The following EDIL3 variants were observed in gnomAD, a reference collection of about 807,000 sequenced individuals.
The protein encoded by EDIL3 is EGF like and discoidin domains 3.
EDIL3 carries 37 observed loss-of-function variants against 67.4 expected under a neutral mutation model. The ratio of observed to expected loss-of-function variants is 0.55; its 90% CI spans 0.42 to 0.72. The LOEUF is 0.72. EDIL3 is among the 30% of genes least tolerant of loss of function. The pLI is 0.00. For missense variants in EDIL3, 527 were observed against 586.3 expected (o/e 0.90, Z 1.04); for synonymous variants, 195 against 196.3 (o/e 0.99, Z 0.05).
At chr5:83,946,952 G>A (rs1350489944) in intron 10 of EDIL3, among the ~76,000 whole-genome samples, 1 of 151,798 alleles carries the variant, frequency 6.6e-6, no homozygotes, top group Non-Finnish European at 1.5e-5. Flanking sequence ...TTTTGGAATT[G>A]CTGTTCACAT....
intron 5 of EDIL3, among the ~76,000 whole-genome samples, chr5:84,114,710 A>T (rs185813395): frequency 6.6e-6 from 1 of 152,366 alleles, no homozygotes; most frequent in East Asian, 1.9e-4. Flanking sequence ...TACCTTAAAG[A>T]AAAGGCTGTT....
chr5:84,243,062 G>T (rs1249104379), intron 2 of EDIL3, among the ~76,000 whole-genome samples: 1 of 82,454 alleles, frequency 1.2e-5, no homozygotes, highest in Non-Finnish European at 2.4e-5. Flanking sequence ...TTTATTTTCA[G>T]GTTATTTTAT....
intron 5 of EDIL3, among the ~76,000 whole-genome samples, chr5:84,111,754 T>C (rs1747568972): frequency 6.6e-6 from 1 of 152,180 alleles, no homozygotes. Flanking sequence ...CATCTCTGAA[T>C]GGGAAGAAGG....
At chr5:84,184,804 A>T (rs535704663) in intron 3 of EDIL3, among the ~76,000 whole-genome samples, 1 of 152,180 alleles carries the variant, frequency 6.6e-6, no homozygotes, top group Non-Finnish European at 1.5e-5. Context: ...TTTCTAGATG[A>T]TGTGAATTGG....
chr5:84,325,696 A>G (rs1746742685), intron 1 of EDIL3, among the ~76,000 whole-genome samples: 1 of 152,120 alleles, frequency 6.6e-6, no homozygotes, highest in Non-Finnish European at 1.5e-5. Flanking sequence ...TCATGTTCAT[A>G]GCAGCATTAT....
At chr5:84,168,625 G>A (rs1180850179) in intron 4 of EDIL3, among the ~76,000 whole-genome samples, 1 of 152,140 alleles carries the variant, frequency 6.6e-6, no homozygotes. Context: ...TAATGCTACT[G>A]AAATTAACAA....
chr5:84,278,335 C>T (rs1745628931), intron 1 of EDIL3, among the ~76,000 whole-genome samples: 2 of 152,148 alleles, frequency 1.3e-5, no homozygotes, highest in South Asian at 4.1e-4. Context: ...TGAACTTGAA[C>T]ATACATAGAG....
At chr5:84,269,384 C>T (rs1745418722) in intron 1 of EDIL3, among the ~76,000 whole-genome samples, 1 of 151,474 alleles carries the variant, frequency 6.6e-6, no homozygotes, top group African/African-American at 2.4e-5. Flanking sequence ...TTTACTTGTA[C>T]AGGAAATATA....
At chr5:84,229,726 T>C (rs1744528248) in intron 3 of EDIL3, 129 bp downstream of exon 3, 1 of 921,514 alleles carries the variant, frequency 1.1e-6, no homozygotes, top group Non-Finnish European at 1.6e-6. Flanking sequence ...AATATAAAAG[T>C]AAATAAATAA....
intron 10 of EDIL3, among the ~76,000 whole-genome samples, chr5:83,960,685 A>G (rs989098469): frequency 2.0e-5 from 3 of 151,072 alleles, no homozygotes; most frequent in Admixed American, 6.6e-5. Flanking sequence ...TAAAATATGT[A>G]TCACAAATCC....
At chr5:84,028,655 T>G (rs553044415) in intron 9 of EDIL3, among the ~76,000 whole-genome samples, 4 of 152,134 alleles carry the variant, frequency 2.6e-5, no homozygotes, top group East Asian at 1.9e-4. Flanking sequence ...CAAAGTTTTC[T>G]GATAATCTAA....
At chr5:84,207,601 C>T (rs1394998103) in intron 3 of EDIL3, among the ~76,000 whole-genome samples, 1 of 150,874 alleles carries the variant, frequency 6.6e-6, no homozygotes, top group Admixed American at 6.6e-5. Context: ...CAATCCTAAG[C>T]CAAAAGAACA....
At chr5:83,967,894 CTT>C (rs748561768) in intron 9 of EDIL3, among the ~76,000 whole-genome samples, 6 of 152,096 alleles carry the variant, frequency 3.9e-5, no homozygotes, top group African/African-American at 9.7e-5. Context: ...CTAAAATGCT[CTT>C]GTTTGTGCCT....
rs73143993 is a variant in EDIL3 at position 83,999,085 on chromosome 5, C to T, written c.1138-35725G>A. ...CACAGGGTTACTAGGCTTGAGATGCCCCCTAATGCACATGTGGCTGCAATG... is the reference window on the plus strand; with the variant it reads ...CACAGGGTTACTAGGCTTGAGATGCTCCCTAATGCACATGTGGCTGCAATG... On this transcript the variant is annotated intron_variant, in intron 9 of 10. Coordinates refer to ENST00000296591, the MANE Select transcript of EDIL3 (RefSeq NM_005711.5). Among the ~76,000 whole-genome samples, 316 of 152,140 alleles carry T rather than the reference C, an allele frequency of 2.1e-3. 2 individuals are homozygous for T. The highest frequency in any genetic ancestry group is 7.4e-3 in the African/African-American group (308 of 41,512).
chr5:84,138,628 A>C (rs929624290), intron 4 of EDIL3, among the ~76,000 whole-genome samples: 18 of 152,222 alleles, frequency 1.2e-4, no homozygotes, highest in African/African-American at 4.1e-4. Flanking sequence ...CAAGGAAAAA[A>C]GTATTTGAAA....
chr5:84,345,612 G>A (rs886859048), intron 1 of EDIL3, among the ~76,000 whole-genome samples: 1 of 152,120 alleles, frequency 6.6e-6, no homozygotes, highest in Non-Finnish European at 1.5e-5. Context: ...CCCTAGTTGG[G>A]CAAGACACAA....
At chr5:84,159,331 C>T (rs1748562772) in intron 4 of EDIL3, among the ~76,000 whole-genome samples, 1 of 151,930 alleles carries the variant, frequency 6.6e-6, no homozygotes, top group Admixed American at 6.6e-5. Context: ...GAAATTTTAT[C>T]GTGTTTCAAA....
chr5:84,014,774 GAAAAT>G (rs1461017633), intron 9 of EDIL3, among the ~76,000 whole-genome samples: 5 of 152,096 alleles, frequency 3.3e-5, no homozygotes, highest in African/African-American at 1.2e-4. Context: ...AGTATAAAAA[GAAAAT>G]AAAAGAAAAA....
chr5:84,035,374 T>C lies in EDIL3; in HGVS notation c.1137+24926A>G, dbSNP rs548128578. 1.6e-4 allele frequency among the ~76,000 whole-genome samples: 25 copies of C among 152,274 alleles called. No homozygotes were observed. In the South Asian group the frequency reaches 5.2e-3, roughly 32 times the overall value. Reference sequence around the variant, plus strand: ...ACTTTTCAGTTTTAATATTAAATAATGTATTTTAAACTTTTTTAGCTAGTG... The same window carrying C: ...ACTTTTCAGTTTTAATATTAAATAACGTATTTTAAACTTTTTTAGCTAGTG... On this transcript the variant is annotated intron_variant, in intron 9 of 10. Coordinates refer to ENST00000296591, the MANE Select transcript of EDIL3 (RefSeq NM_005711.5).
Sources: allele counts gnomAD v4.1 joint callset (sites outside exome capture counted in the v4.1 genomes callset), GRCh38; gene constraint gnomAD v4.1.1; transcripts MANE v1.5; gene names NCBI Gene and HGNC (gene_info 2026-07-23, HGNC 2026-07-21).